ARHGEF4: variants seen among roughly 807,000 people sequenced by gnomAD.
ARHGEF4 encodes Rho guanine nucleotide exchange factor 4.
Under a neutral mutation model 162.0 loss-of-function variants are expected in ARHGEF4, and 119 were observed. The ratio of observed to expected loss-of-function variants is 0.73; its 90% CI spans 0.63 to 0.86. The LOEUF (loss-of-function observed/expected upper bound fraction) is 0.86. Ranked by LOEUF, ARHGEF4 falls within the 40% of genes least tolerant of loss-of-function variation. The pLI is 0.00. For missense variants in ARHGEF4, 2,488 were observed against 2,456.0 expected (o/e 1.01, Z -0.28); for synonymous variants, 1,014 against 979.9 (o/e 1.03, Z -0.65).
chr2:130,988,221 C>T lies in ARHGEF4; in HGVS notation c.3986-39724C>T, dbSNP rs535453578. On this transcript the variant is annotated intron_variant, in intron 4 of 13. Coordinates refer to ENST00000409359, the MANE Select transcript of ARHGEF4 (RefSeq NM_001367493.1). Reference sequence around the variant, plus strand: ...TGCCCTGGGAGTCTGGCAGTCACCTCCTCCGCAGCCGTGTCCCCAGGCTCA... The same window carrying T: ...TGCCCTGGGAGTCTGGCAGTCACCTTCTCCGCAGCCGTGTCCCCAGGCTCA... 4.6e-5 allele frequency among the ~76,000 whole-genome samples: 7 copies of T among 152,302 alleles called. No individual in the cohort carries two copies. In the East Asian group the frequency reaches 1.2e-3, roughly 25 times the overall value.
At chr2:131,041,062 C>G (rs1690777761) in intron 8 of ARHGEF4, among the ~76,000 whole-genome samples, 168 bp from the exon 9 acceptor site, 1 of 152,210 alleles carries the variant, frequency 6.6e-6, no homozygotes, top group South Asian at 2.1e-4. Flanking sequence ...GTGTGTGACT[C>G]CATGTAGCTT....
At chr2:130,972,714 G>A (rs1181862129) in intron 4 of ARHGEF4, among the ~76,000 whole-genome samples, 1 of 151,664 alleles carries the variant, frequency 6.6e-6, no homozygotes, top group Non-Finnish European at 1.5e-5. Context: ...AAGACTTAAA[G>A]TGGTTGTGGT....
chr2:130,837,671 G>A (rs1452849295), intron 1 of ARHGEF4: 1 of 440,990 alleles, frequency 2.3e-6, no homozygotes, highest in South Asian at 1.6e-5. Flanking sequence ...AGGGGTGGCC[G>A]GCCACAGGTT....
rs1179869770 is a variant in ARHGEF4 at position 130,916,396 on chromosome 2, C to G, written c.2450C>G (p.Pro817Arg). 4 of 1,529,828 alleles carry G rather than the reference C, an allele frequency of 2.6e-6. No individual in the cohort carries two copies. The highest frequency in any genetic ancestry group is 3.5e-6 in the Non-Finnish European group (4 of 1,141,702). 94.8% of individuals were successfully genotyped at this position (1,529,828 alleles called of 1,614,324 possible). The part of the protein sequence containing the change: ...ATESPGGVPA[P>R]TTEGRRWGSS... ...GAGAGCCCAGGAGGGGTCCCGGCCC[C>G]GACCACCGAGGGTCGCCGCTGGGGC... Residue 817 changes from proline to arginine, a missense_variant, in exon 2 of 14, where the codon CCG becomes CGG. By Grantham distance (103) the Pro-to-Arg change is moderately radical. Coordinates refer to ENST00000409359, the MANE Select transcript of ARHGEF4 (RefSeq NM_001367493.1).
chr2:130,941,513 A>T (rs1351155162), intron 3 of ARHGEF4, among the ~76,000 whole-genome samples: 1 of 152,050 alleles, frequency 6.6e-6, no homozygotes, highest in Non-Finnish European at 1.5e-5. Context: ...TCCATGTATA[A>T]TTTTTGTCTC....
At chr2:130,962,237 CAAAA>C (rs11332592) in intron 4 of ARHGEF4, among the ~76,000 whole-genome samples, 6 of 122,346 alleles carry the variant, frequency 4.9e-5, no homozygotes, top group Non-Finnish European at 6.9e-5. Context: ...GTTTCCGTTT[CAAAA>C]AAAAAAAAAA....
At chr2:131,005,286 C>A (rs1014511422) in intron 4 of ARHGEF4, among the ~76,000 whole-genome samples, 1 of 152,126 alleles carries the variant, frequency 6.6e-6, no homozygotes, top group Non-Finnish European at 1.5e-5. Flanking sequence ...GAGGGCTCGG[C>A]CTCATTCCTC....
intron 1 of ARHGEF4, among the ~76,000 whole-genome samples, chr2:130,837,301 C>G (rs544501030): frequency 1.4e-4 from 22 of 152,198 alleles, no homozygotes; most frequent in African/African-American, 5.3e-4. Context: ...GCACCTGGAC[C>G]GTCCTGGGCG....
At chr2:130,851,451 A>T (rs1681406099) in intron 1 of ARHGEF4, among the ~76,000 whole-genome samples, 1 of 152,218 alleles carries the variant, frequency 6.6e-6, no homozygotes, top group Non-Finnish European at 1.5e-5. Flanking sequence ...ATGTGCTCTC[A>T]GCCAGAACCG....
chr2:130,873,543 C>T (rs1368822563), intron 1 of ARHGEF4, among the ~76,000 whole-genome samples: 4 of 150,098 alleles, frequency 2.7e-5, no homozygotes, highest in East Asian at 2.0e-4. Context: ...GCCGAGACTG[C>T]GCCATTGCAC....
chr2:131,035,678 A>T, intron 5 of ARHGEF4: 9 of 986,656 alleles, frequency 9.1e-6, no homozygotes, highest in Non-Finnish European at 1.1e-5. Context: ...TGCGCATGTT[A>T]CCTGCAGTTG....
chr2:130,921,879 A>T (rs2105074228), intron 2 of ARHGEF4, among the ~76,000 whole-genome samples: 1 of 151,878 alleles, frequency 6.6e-6, no homozygotes, highest in East Asian at 2.0e-4. Flanking sequence ...TTTAATAGAG[A>T]TGGGGTTTCA....
At chr2:130,902,679 C>T (rs1455538801) in intron 1 of ARHGEF4, among the ~76,000 whole-genome samples, 1 of 149,684 alleles carries the variant, frequency 6.7e-6, no homozygotes, top group Admixed American at 6.7e-5. Flanking sequence ...GTTGGTAGCA[C>T]GCAAGCCCTG....
At chr2:130,944,068 T>A (rs189540011) in intron 3 of ARHGEF4, among the ~76,000 whole-genome samples, 9 of 152,320 alleles carry the variant, frequency 5.9e-5, no homozygotes, top group Admixed American at 1.3e-4. Context: ...GGATATAGAT[T>A]TTTGGGTTGA....
chr2:130,878,999 T>A (rs1679031612), intron 1 of ARHGEF4, among the ~76,000 whole-genome samples: 1 of 152,130 alleles, frequency 6.6e-6, no homozygotes, highest in Non-Finnish European at 1.5e-5. Flanking sequence ...GAGGAAAGGA[T>A]GTCCAGGTAG....
Position 131,035,165 on chromosome 2 carries a change from A to G in ARHGEF4, c.4126-3688A>G, listed in dbSNP as rs1357437774. The G allele has an allele frequency of 1.5e-5, 18 of 1,217,606 alleles. No individual in the cohort carries two copies. In the South Asian group the frequency reaches 3.7e-4, roughly 25 times the overall value. The allele number at this position is 1,217,606 out of a possible 1,614,324, so 75.4% of individuals were successfully genotyped here. A position where few individuals can be genotyped will look rare whatever the true frequency, so the allele number is the denominator to read the frequency against. On this transcript the variant is annotated intron_variant, in intron 5 of 13. Transcript: ENST00000409359. ...GCCCTGCGCGCCCTGCTGCGCTGCA[A>G]CCTGCCCCCCGGCGCCCAGCGCGTG...
At chr2:130,855,608 C>T (rs1681721129) in intron 1 of ARHGEF4, among the ~76,000 whole-genome samples, 5 of 152,158 alleles carry the variant, frequency 3.3e-5, no homozygotes, top group Admixed American at 3.3e-4. Context: ...GTCAGTCATA[C>T]AGGCATGCAT....
At chr2:130,984,619 G>T (rs1217708138) in intron 4 of ARHGEF4, among the ~76,000 whole-genome samples, 1 of 151,182 alleles carries the variant, frequency 6.6e-6, no homozygotes, top group Non-Finnish European at 1.5e-5. Context: ...AACCCGGGAG[G>T]CAGAGGTTGC....
At chr2:130,977,777 G>A (rs763580134) in intron 4 of ARHGEF4, among the ~76,000 whole-genome samples, 1 of 152,068 alleles carries the variant, frequency 6.6e-6, no homozygotes, top group Non-Finnish European at 1.5e-5. Context: ...CATGCATGGT[G>A]AGTTGTGTAT....
Sources: gnomAD v4.1 joint callset for allele counts (sites outside exome capture counted in the v4.1 genomes callset) on GRCh38, gnomAD v4.1.1 for gene constraint, MANE v1.5 for transcripts, NCBI Gene and HGNC (gene_info 2026-07-23, HGNC 2026-07-21) for gene names.